The following DAB1 variants were observed in gnomAD, a reference collection of about 807,000 sequenced individuals.
The protein encoded by DAB1 is DAB adaptor protein 1, also known as disabled homolog 1.
A neutral mutation model predicts 64.6 loss-of-function variants in DAB1; 15 were observed. That is an observed-to-expected ratio of 0.23 (90% CI 0.16 to 0.36). The LOEUF (loss-of-function observed/expected upper bound fraction) is 0.36, where lower values mean the gene tolerates loss of function less well. DAB1 is among the 10% of genes least tolerant of loss of function. The pLI is 1.00. For missense variants in DAB1, 596 were observed against 706.7 expected (o/e 0.84, Z 1.78); for synonymous variants, 235 against 251.9 (o/e 0.93, Z 0.64).
chr1:57,772,400 A>C (rs1397558783), intron 6 of DAB1, among the ~76,000 whole-genome samples: 1 of 152,172 alleles, frequency 6.6e-6, no homozygotes, highest in Non-Finnish European at 1.5e-5. Context: ...CTGTTATAGC[A>C]GCTCAAAATG....
intron 6 of DAB1, among the ~76,000 whole-genome samples, chr1:57,721,473 G>T (rs1395907866): frequency 1.3e-5 from 2 of 152,184 alleles, no homozygotes; most frequent in East Asian, 1.9e-4. Context: ...ATTAACTCAT[G>T]AAATCCTCAC....
At chr1:57,656,088 A>G (rs1385925898) in intron 6 of DAB1, among the ~76,000 whole-genome samples, 1 of 152,204 alleles carries the variant, frequency 6.6e-6, no homozygotes, top group Non-Finnish European at 1.5e-5. Flanking sequence ...ACAAGGTACT[A>G]CAGAGAGTTC....
At chr1:57,665,430 A>G (rs962627067) in intron 6 of DAB1, among the ~76,000 whole-genome samples, 8 of 152,160 alleles carry the variant, frequency 5.3e-5, no homozygotes, top group Admixed American at 6.5e-5. Flanking sequence ...TATGAAATAC[A>G]TAAGCAATGT....
intron 7 of DAB1, among the ~76,000 whole-genome samples, chr1:57,561,211 G>C (rs1190740326): frequency 6.6e-6 from 1 of 152,184 alleles, no homozygotes; most frequent in Admixed American, 6.5e-5. Context: ...GAAGACTAGG[G>C]CCTGTTTCAC....
chr1:58,223,732 C>T (rs1354507421), intron 4 of DAB1, among the ~76,000 whole-genome samples: 1 of 152,128 alleles, frequency 6.6e-6, no homozygotes. Flanking sequence ...CATCTGACAG[C>T]AAAGAACAGA....
intron 3 of DAB1, among the ~76,000 whole-genome samples, chr1:58,423,184 T>C (rs1357924614): frequency 6.6e-6 from 1 of 152,186 alleles, no homozygotes; most frequent in African/African-American, 2.4e-5. Flanking sequence ...GAAACCTCTT[T>C]TGCTCCTTCA....
At chr1:57,863,558 G>A (rs1384710816) in intron 1 of DAB1, among the ~76,000 whole-genome samples, 3 of 152,138 alleles carry the variant, frequency 2.0e-5, no homozygotes, top group Non-Finnish European at 1.5e-5. Context: ...AACTTGGGTG[G>A]TGTGAAAGTG....
intron 5 of DAB1, among the ~76,000 whole-genome samples, chr1:57,903,699 G>A (rs975056780): frequency 7.9e-5 from 12 of 152,146 alleles, no homozygotes; most frequent in Admixed American, 3.3e-4. Context: ...ATGATGTCAC[G>A]TCTCCCTCAC....
chr1:57,540,304 CG>C (rs1475489646), intron 7 of DAB1, among the ~76,000 whole-genome samples: 1 of 152,006 alleles, frequency 6.6e-6, no homozygotes, highest in South Asian at 2.1e-4. Context: ...TAACAAATGC[CG>C]GCAAGGATGT....
At chr1:57,326,155 A>G (rs1356157489) in intron 1 of DAB1, among the ~76,000 whole-genome samples, 1 of 152,246 alleles carries the variant, frequency 6.6e-6, no homozygotes, top group Non-Finnish European at 1.5e-5. Context: ...AAGCTACACC[A>G]TAAGGTGACT....
chr1:57,952,395 C>T (rs1436844845), intron 5 of DAB1, among the ~76,000 whole-genome samples: 2 of 152,268 alleles, frequency 1.3e-5, no homozygotes, highest in Non-Finnish European at 2.9e-5. Flanking sequence ...CCAACAGCTC[C>T]ACTCCTCCTT....
intron 2 of DAB1, among the ~76,000 whole-genome samples, chr1:58,516,444 T>C (rs889574526): frequency 4.6e-5 from 7 of 152,256 alleles, no homozygotes; most frequent in African/African-American, 1.7e-4. Context: ...AGCTGAAGAC[T>C]GAACAGCTTG....
At chr1:58,489,961 C>T (rs1377565506) in intron 3 of DAB1, among the ~76,000 whole-genome samples, 1 of 152,118 alleles carries the variant, frequency 6.6e-6, no homozygotes, top group East Asian at 1.9e-4. Flanking sequence ...TCATCAAAGA[C>T]CAAAGGTAGA....
intron 5 of DAB1, among the ~76,000 whole-genome samples, chr1:58,039,978 T>C (rs1647109978): frequency 6.6e-6 from 1 of 152,092 alleles, no homozygotes; most frequent in Non-Finnish European, 1.5e-5. Context: ...AAAAAATATA[T>C]AAAATTTTAC....
intron 6 of DAB1, among the ~76,000 whole-genome samples, chr1:57,682,419 A>C (rs1646646761): frequency 6.7e-6 from 1 of 150,146 alleles, no homozygotes; most frequent in South Asian, 2.2e-4. Context: ...GCTCCCACTG[A>C]CAGAGAACAA....
intron 7 of DAB1, among the ~76,000 whole-genome samples, chr1:57,508,198 T>G (rs1644367579): frequency 1.3e-5 from 2 of 152,196 alleles, no homozygotes; most frequent in Admixed American, 1.3e-4. Context: ...CTTTGTGCCT[T>G]GGCTCCAGAT....
intron 1 of DAB1, among the ~76,000 whole-genome samples, chr1:57,871,563 T>A (rs571238853): frequency 1.3e-5 from 2 of 152,170 alleles, no homozygotes; most frequent in Non-Finnish European, 2.9e-5. Flanking sequence ...CAAGGTCACA[T>A]AGAAACCATG....
intron 7 of DAB1, among the ~76,000 whole-genome samples, chr1:57,584,168 G>A (rs926933023): frequency 1.3e-5 from 2 of 152,062 alleles, no homozygotes; most frequent in Non-Finnish European, 2.9e-5. Flanking sequence ...ATAAGGAAAC[G>A]CTGAGCCGTA....
intron 4 of DAB1, among the ~76,000 whole-genome samples, chr1:58,300,642 GAGAGAGGAAGGAAGGAAGGAAGGA>G (rs1662137433): frequency 1.9e-5 from 1 of 51,704 alleles, no homozygotes; most frequent in African/African-American, 7.0e-5. Context: ...GAGAGAGAGA[GAGAGAGGAAGGAAGGAAGGAAGGA>G]AGGAAGGAAG....
Sources: gnomAD v4.1 joint callset for allele counts (sites outside exome capture counted in the v4.1 genomes callset) on GRCh38, gnomAD v4.1.1 for gene constraint, MANE v1.5 for transcripts, NCBI Gene and HGNC (gene_info 2026-07-23, HGNC 2026-07-21) for gene names.